The following MKLN1 variants were observed in gnomAD, a reference collection of about 807,000 sequenced individuals.
MKLN1 encodes muskelin.
MKLN1 carries 18 observed loss-of-function variants against 99.0 expected under a neutral mutation model. The observed-to-expected ratio is 0.18, with a 90% CI of 0.13 to 0.27. The LOEUF (loss-of-function observed/expected upper bound fraction) is 0.27. Ranked by LOEUF, MKLN1 falls within the 10% of genes least tolerant of loss-of-function variation. MKLN1 has a pLI of 1.00. For missense variants in MKLN1, 621 were observed against 875.9 expected (o/e 0.71, Z 3.67); for synonymous variants, 288 against 293.2 (o/e 0.98, Z 0.18).
intron 3 of MKLN1, among the ~76,000 whole-genome samples, chr7:131,298,162 T>C (rs924623084): frequency 1.3e-5 from 2 of 151,744 alleles, no homozygotes; most frequent in Non-Finnish European, 2.9e-5. Context: ...TCCCAGATAC[T>C]CGGGAGGCTG....
At chr7:131,469,949 C>G (rs1477698856) in intron 15 of MKLN1, among the ~76,000 whole-genome samples, 2 of 150,714 alleles carry the variant, frequency 1.3e-5, no homozygotes, top group African/African-American at 4.9e-5. Context: ...AATCATGGCT[C>G]ACTACACCCT....
intron 3 of MKLN1, among the ~76,000 whole-genome samples, chr7:131,205,882 C>A (rs1311151121): frequency 6.8e-6 from 1 of 147,382 alleles, no homozygotes; most frequent in African/African-American, 2.5e-5. Context: ...CTGCTTCCAG[C>A]TGAGAAAAAC....
intron 4 of MKLN1, among the ~76,000 whole-genome samples, chr7:131,395,360 A>C (rs532836278): frequency 1.3e-5 from 2 of 152,040 alleles, no homozygotes; most frequent in Non-Finnish European, 2.9e-5. Context: ...TTTATATGCA[A>C]ATCTCATTTT....
intron 1 of MKLN1, among the ~76,000 whole-genome samples, chr7:131,369,597 T>A (rs1327615036): frequency 1.3e-5 from 2 of 152,222 alleles, no homozygotes; most frequent in Non-Finnish European, 2.9e-5. Flanking sequence ...ATACTCTAGA[T>A]ATGAATTCTT....
chr7:131,220,041 C>T (rs1244780036), intron 3 of MKLN1, among the ~76,000 whole-genome samples: 1 of 152,126 alleles, frequency 6.6e-6, no homozygotes, highest in Non-Finnish European at 1.5e-5. Context: ...CCCCTCACCT[C>T]CAATCTCTAC....
chr7:131,417,048 T>C (rs1324785274), intron 8 of MKLN1, among the ~76,000 whole-genome samples: 1 of 151,836 alleles, frequency 6.6e-6, no homozygotes, highest in African/African-American at 2.4e-5. Flanking sequence ...AGATTTACTT[T>C]AGAAATTATA....
intron 6 of MKLN1, among the ~76,000 whole-genome samples, chr7:131,405,143 T>G (rs1794662573): frequency 6.6e-6 from 1 of 152,224 alleles, no homozygotes; most frequent in Admixed American, 6.5e-5. Flanking sequence ...TTATGGGTAT[T>G]AAGGTATACC....
At chr7:131,439,923 C>CG (rs1795790523) in intron 10 of MKLN1, among the ~76,000 whole-genome samples, 1 of 149,718 alleles carries the variant, frequency 6.7e-6, no homozygotes, top group South Asian at 2.1e-4. Context: ...CACACAGTCT[C>CG]TCTCTCTCAG....
chr7:131,160,492 A>ATTAATT (rs1343341791), intron 2 of MKLN1, among the ~76,000 whole-genome samples: 2 of 138,982 alleles, frequency 1.4e-5, no homozygotes, highest in African/African-American at 2.6e-5. Context: ...TATTATTATT[A>ATTAATT]ATTATTATTA....
Position 131,490,168 on chromosome 7 carries a change from G to T in MKLN1, c.*2440G>T, listed in dbSNP as rs1019098285. 6.6e-6 allele frequency: 1 copy of T among 152,510 alleles called. No individual in the cohort carries two copies. The highest frequency in any genetic ancestry group is 1.5e-5 in the Non-Finnish European group (1 of 68,014). The allele number at this position is 152,510 out of a possible 1,614,324, so 9.4% of individuals were successfully genotyped here. A position where few individuals can be genotyped will look rare whatever the true frequency, so the allele number is the denominator to read the frequency against. On this transcript the variant is annotated 3_prime_UTR_variant, in exon 18 of 18. Transcript: ENST00000352689. ...ATTATAATTTAAATAATCGAATTTG[G>T]TATTTAGGTACATTGTTTATATAGC...
At chr7:131,327,149 G>A (rs1390303937), upstream of MKLN1, 1 of 152,200 alleles carries the variant, frequency 6.6e-6, no homozygotes, top group Non-Finnish European at 1.5e-5. Flanking sequence ...CTACAATTAT[G>A]TCAGTTCAAA....
At chr7:131,429,167 A>T in intron 9 of MKLN1, 22 bp downstream of exon 9, 1 of 1,522,490 alleles carries the variant, frequency 6.6e-7, no homozygotes, top group East Asian at 2.3e-5. Flanking sequence ...GACTTTTCAT[A>T]CATCTATATT....
chr7:131,162,198 G>A (rs943347189), intron 2 of MKLN1, among the ~76,000 whole-genome samples: 14 of 151,722 alleles, frequency 9.2e-5, no homozygotes, highest in African/African-American at 2.9e-4. Context: ...AATTACAGGC[G>A]TGCACCACCA....
At chr7:131,405,249 A>G (rs1385592484) in intron 6 of MKLN1, among the ~76,000 whole-genome samples, 1 of 151,922 alleles carries the variant, frequency 6.6e-6, no homozygotes, top group Non-Finnish European at 1.5e-5. Flanking sequence ...CCATCAGCAC[A>G]TGTTTATCAA....
rs1584787126 is a variant in MKLN1 at position 131,141,363 on chromosome 7, G to C, written c.-418-1457G>C. On this transcript the variant is annotated intron_variant, in intron 1 of 7. Transcript: ENST00000416992. ...TCCTCTTCATATTTTTGCTGTCTTAGTGAATGATATCCACTATCCACCAAG... is the reference window on the plus strand; with the variant it reads ...TCCTCTTCATATTTTTGCTGTCTTACTGAATGATATCCACTATCCACCAAG... 2.0e-5 allele frequency among the ~76,000 whole-genome samples: 3 copies of C among 152,166 alleles called. No individual in the cohort carries two copies. The East Asian group carries it at 5.8e-4, about 29-fold the overall frequency.
chr7:131,226,516 G>C (rs1160975730), intron 3 of MKLN1, among the ~76,000 whole-genome samples: 1 of 152,176 alleles, frequency 6.6e-6, no homozygotes, highest in East Asian at 1.9e-4. Context: ...ATCCTAGCAT[G>C]TTTATCTAGT....
chr7:131,269,665 T>G (rs1318465605), intron 3 of MKLN1, among the ~76,000 whole-genome samples: 1 of 152,256 alleles, frequency 6.6e-6, no homozygotes, highest in Non-Finnish European at 1.5e-5. Flanking sequence ...CTGTTTGCAC[T>G]CTTTCTTCCT....
chr7:131,475,684 C>A (rs901736024), intron 16 of MKLN1, among the ~76,000 whole-genome samples: 18 of 152,084 alleles, frequency 1.2e-4, no homozygotes, highest in African/African-American at 3.6e-4. Context: ...TGGTGCCATG[C>A]CTGTAGTCCC....
At chr7:131,121,047 T>C (rs1724960572) in intron 1 of MKLN1, among the ~76,000 whole-genome samples, 1 of 152,176 alleles carries the variant, frequency 6.6e-6, no homozygotes. Context: ...TGTGGAGCTG[T>C]ACAGGAAGCA....
Sources: gnomAD v4.1 joint callset for allele counts (sites outside exome capture counted in the v4.1 genomes callset) on GRCh38, gnomAD v4.1.1 for gene constraint, MANE v1.5 for transcripts, NCBI Gene and HGNC (gene_info 2026-07-23, HGNC 2026-07-21) for gene names.